SLC9A6: variants seen among roughly 807,000 people sequenced by gnomAD.
SLC9A6 encodes the protein sodium/hydrogen exchanger 6.
In SLC9A6, 6 loss-of-function variants were observed where a neutral mutation model predicts 45.3. The ratio of observed to expected loss-of-function variants is 0.13; its 90% CI spans 0.07 to 0.26. The LOEUF (loss-of-function observed/expected upper bound fraction) is 0.26, where lower values mean the gene tolerates loss of function less well. SLC9A6 is among the 10% of genes least tolerant of loss of function. The pLI is 1.00. For missense variants in SLC9A6, 278 were observed against 503.7 expected (o/e 0.55, Z 4.29); for synonymous variants, 191 against 187.7 (o/e 1.02, Z -0.14).
Position 136,045,414 on chromosome X carries a change from C to T in SLC9A6, c.*690C>T, listed in dbSNP as rs45621831. On this transcript the variant is annotated 3_prime_UTR_variant, in exon 18 of 18. Coordinates refer to ENST00000630721, the MANE Select transcript of SLC9A6 (RefSeq NM_001379110.1). ...TATGTCTTTTCTTCCAGACCAAGAC[C>T]GTAGAAGGAGTCACATCTAGCCGGC... is the stretch of plus-strand genomic sequence containing the variant. 1,939 of 111,991 alleles carry T rather than the reference C, an allele frequency of 0.017. 21 individuals are homozygous for T. The highest frequency in any genetic ancestry group is 0.032 in the Middle Eastern group (7 of 218). 9.2% of individuals were successfully genotyped at this position (111,991 alleles called of 1,213,427 possible).
chrX:136,022,583 T>C lies in SLC9A6; in HGVS notation c.1195-3T>C. The C allele has an allele frequency of 9.0e-7, 1 of 1,115,700 alleles. No homozygotes were observed. Among genetic ancestry groups the C allele is most frequent in the Non-Finnish European group, 1.2e-6 (1 of 813,603 alleles). The allele number at this position is 1,115,700 out of a possible 1,213,427, so 91.9% of individuals were successfully genotyped here. A position where few individuals can be genotyped will look rare whatever the true frequency, so the allele number is the denominator to read the frequency against. ...ATGATCCTTAACCTATTAATAATTT[T>C]AGGTTGCTATTTTCTTGGGAAGAGC... On this transcript the variant is annotated splice_polypyrimidine_tract_variant and splice_region_variant and intron_variant, in intron 11 of 17. Coordinates refer to ENST00000630721, the MANE Select transcript of SLC9A6 (RefSeq NM_001379110.1).
intron 7 of SLC9A6, among the ~76,000 whole-genome samples, chrX:136,003,839 G>A (rs1397277474): frequency 9.0e-6 from 1 of 111,123 alleles, no homozygotes; most frequent in African/African-American, 3.3e-5. Context: ...TCTCATTGTA[G>A]CTTAATTTGT....
At chrX:135,991,129 G>A (rs1056900980) in intron 2 of SLC9A6, among the ~76,000 whole-genome samples, 1 of 111,665 alleles carries the variant, frequency 9.0e-6, no homozygotes. Flanking sequence ...TTGTTTAAAC[G>A]TTTTTAAAGT....
intron 7 of SLC9A6, among the ~76,000 whole-genome samples, chrX:136,006,237 G>A (rs2089653992): frequency 9.0e-6 from 1 of 111,090 alleles, no homozygotes; most frequent in Admixed American, 9.6e-5. Flanking sequence ...CTGTTTGGCA[G>A]TTAACAGGTT....
At chrX:136,012,833 T>A (rs1556618819) in intron 8 of SLC9A6, 116 bp from the exon 9 acceptor site, 3 of 570,171 alleles carry the variant, frequency 5.3e-6, no homozygotes, top group Non-Finnish European at 9.3e-6. Context: ...ATTCTGAGAT[T>A]TCTGTGTTAG....
At position 136,030,067 on chromosome X, in the gene SLC9A6, T is replaced by A. The variant is rs994457699; in HGVS notation, c.1551-65T>A. 6 of 1,000,813 alleles carry A rather than the reference T, an allele frequency of 6.0e-6. No homozygotes were observed. The African/African-American group carries it at 1.1e-4, about 19-fold the overall frequency. The allele number at this position is 1,000,813 out of a possible 1,213,427, so 82.5% of individuals were successfully genotyped here. Reference sequence around the variant, plus strand: ...TGAGAAAAGTAGTTGCCTGACAATGTATATGTGTGAATAGACCATTTTTTG... The same window carrying A: ...TGAGAAAAGTAGTTGCCTGACAATGAATATGTGTGAATAGACCATTTTTTG... On this transcript the variant is annotated intron_variant, in intron 14 of 17. Coordinates refer to ENST00000630721, the MANE Select transcript of SLC9A6 (RefSeq NM_001379110.1).
At chrX:136,006,299 G>T (rs994791496) in intron 7 of SLC9A6, among the ~76,000 whole-genome samples, 5 of 104,196 alleles carry the variant, frequency 4.8e-5, no homozygotes, top group East Asian at 5.9e-4. Context: ...TTTCTGTCTG[G>T]TTTTTTTTTT....
At chrX:136,030,281 T>TTG in intron 15 of SLC9A6, 119 bp downstream of exon 15, 1 of 743,806 alleles carries the variant, frequency 1.3e-6, no homozygotes, top group Admixed American at 2.4e-5. Flanking sequence ...TGCCTCAGCT[T>TTG]TGGAGGAATG....
intron 16 of SLC9A6, among the ~76,000 whole-genome samples, chrX:136,033,859 G>A (rs1365406236): frequency 3.6e-5 from 4 of 111,906 alleles, no homozygotes; most frequent in African/African-American, 1.3e-4. Context: ...TACTTGGCAG[G>A]GTAAGAGAGG....
At chrX:135,993,211 A>G (rs1301284559) in intron 2 of SLC9A6, among the ~76,000 whole-genome samples, 4 of 112,142 alleles carry the variant, frequency 3.6e-5, no homozygotes, top group Non-Finnish European at 7.5e-5. Context: ...GTTCATTTAT[A>G]TGAAATGTCT....
At chrX:136,040,318 A>AT (rs1482105748) in intron 17 of SLC9A6, 137 bp downstream of exon 17, 1 of 492,601 alleles carries the variant, frequency 2.0e-6, no homozygotes, top group Non-Finnish European at 3.5e-6. Flanking sequence ...GAATTTAAGC[A>AT]TATTTTGCTC....
intron 10 of SLC9A6, among the ~76,000 whole-genome samples, chrX:136,016,210 T>C (rs2071016802): frequency 9.0e-6 from 1 of 111,396 alleles, no homozygotes; most frequent in Non-Finnish European, 1.9e-5. Context: ...ATGAATCTTA[T>C]AGCTTGCAAG....
At chrX:136,034,796 A>G (rs1275580543) in intron 16 of SLC9A6, among the ~76,000 whole-genome samples, 1 of 111,956 alleles carries the variant, frequency 8.9e-6, no homozygotes. Flanking sequence ...CTGGGGTATT[A>G]AGACTCCCAT....
chrX:136,036,332 GT>G (rs1275712195), intron 16 of SLC9A6, among the ~76,000 whole-genome samples: 1 of 111,241 alleles, frequency 9.0e-6, no homozygotes, highest in Admixed American at 9.5e-5. Context: ...TGAAGTCTAA[GT>G]CTTTCGTCCA....
intron 16 of SLC9A6, among the ~76,000 whole-genome samples, chrX:136,039,297 C>CAA (rs781946482): frequency 9.8e-4 from 85 of 86,338 alleles, no homozygotes; most frequent in Non-Finnish European, 1.1e-3. Context: ...GACACTGTCT[C>CAA]AAAAAAAAAA....
At position 136,028,937 on chromosome X, in the gene SLC9A6, CCCT is replaced by C; in HGVS notation, c.1514_1516del (p.Pro505del). ...GAGATGAATTGAGACATGGCCTTTA[CCCT>C]CAAGGAACTCACAGTCTTTTTGGGG... On this transcript the variant is annotated inframe_deletion, in exon 14 of 18. Transcript: ENST00000630721. The C allele has an allele frequency of 3.4e-6, 1 of 297,023 alleles. No homozygotes were observed. The highest frequency in any genetic ancestry group is 5.9e-6 in the Non-Finnish European group (1 of 170,126). 24.5% of individuals were successfully genotyped at this position (297,023 alleles called of 1,213,427 possible).
At chrX:135,974,841 G>C (rs1358200924) in intron 1 of SLC9A6, 1 of 281,550 alleles carries the variant, frequency 3.6e-6, no homozygotes, top group Non-Finnish European at 7.0e-6. Context: ...GTTTTGTCGT[G>C]AAAAGAACCA....
At chrX:136,000,807 C>CTGGATGT (rs1316084037) in intron 6 of SLC9A6, among the ~76,000 whole-genome samples, 1 of 110,889 alleles carries the variant, frequency 9.0e-6, no homozygotes, top group Non-Finnish European at 1.9e-5. Context: ...AGCTGCAATG[C>CTGGATGT]TTTGTAGTAG....
intron 17 of SLC9A6, among the ~76,000 whole-genome samples, chrX:136,040,951 T>C (rs2071497408): frequency 9.0e-6 from 1 of 110,840 alleles, no homozygotes; most frequent in Non-Finnish European, 1.9e-5. Context: ...CGAAACCCAG[T>C]CTCTACCAAA....
Sources: allele counts gnomAD v4.1 joint callset (sites outside exome capture counted in the v4.1 genomes callset), GRCh38; gene constraint gnomAD v4.1.1; transcripts MANE v1.5; gene names NCBI Gene and HGNC (gene_info 2026-07-23, HGNC 2026-07-21).